Variants in RAP1A observed in about 807,000 individuals in gnomAD.
RAP1A encodes RAP1A, member of RAS oncogene family, also known as ras-related protein Rap-1A.
In RAP1A, 6 loss-of-function variants were observed where a neutral mutation model predicts 26.4. The ratio of observed to expected loss-of-function variants is 0.23; its 90% CI spans 0.12 to 0.45. RAP1A has a LOEUF of 0.45. RAP1A is among the 20% of genes least tolerant of loss of function. The pLI is 0.99. For synonymous variants in RAP1A, 73 were observed against 79.4 expected, an observed-to-expected ratio of 0.92 and a Z score of 0.43; for missense variants, 121 against 217.2, an observed-to-expected ratio of 0.56 and a Z score of 2.78.
intron 1 of RAP1A, among the ~76,000 whole-genome samples, chr1:111,631,615 C>T (rs1290561307): frequency 6.6e-6 from 1 of 152,084 alleles, no homozygotes; most frequent in African/African-American, 2.4e-5. Context: ...CAATACAAAG[C>T]AGAAAATAGG....
chr1:111,690,558 C>G lies in RAP1A; in HGVS notation c.-27-776C>G, dbSNP rs140124536. On this transcript the variant is annotated intron_variant, in intron 1 of 7. Transcript: ENST00000369709. ...TTCATTTCTTTTGCATCTCAGAAATCACAGTCCTACACTGCTTATTATCCA... is the reference window on the plus strand; with the variant it reads ...TTCATTTCTTTTGCATCTCAGAAATGACAGTCCTACACTGCTTATTATCCA... Among the ~76,000 whole-genome samples the G allele has an allele frequency of 2.6e-5, 4 of 152,346 alleles. No homozygotes were observed. The East Asian group carries it at 7.7e-4, about 29-fold the overall frequency.
At chr1:111,652,496 A>G (rs1263472419) in intron 1 of RAP1A, among the ~76,000 whole-genome samples, 1 of 151,934 alleles carries the variant, frequency 6.6e-6, no homozygotes, top group East Asian at 1.9e-4. Context: ...TTTTTTTTAA[A>G]TAAGAAAGAA....
intron 1 of RAP1A, among the ~76,000 whole-genome samples, chr1:111,593,974 C>G (rs1557860215): frequency 6.6e-6 from 1 of 152,130 alleles, no homozygotes. Flanking sequence ...CTGGTTTTCT[C>G]TTAGGTCAAA....
intron 1 of RAP1A, chr1:111,599,743 GGGGTT>G (rs1658632724): frequency 6.6e-6 from 1 of 152,224 alleles, no homozygotes; most frequent in African/African-American, 2.4e-5. Flanking sequence ...GTCAGGAAGA[GGGGTT>G]GAAGACTGAC....
intron 1 of RAP1A, chr1:111,608,025 G>T (rs1385467552): frequency 6.5e-6 from 1 of 154,060 alleles, no homozygotes; most frequent in Admixed American, 6.6e-5. Flanking sequence ...GGACGGGGCG[G>T]CTGGCCTGGC....
chr1:111,579,413 C>T (rs551153615), intron 1 of RAP1A, among the ~76,000 whole-genome samples: 1 of 152,314 alleles, frequency 6.6e-6, no homozygotes, highest in African/African-American at 2.4e-5. Context: ...TATTTTACAT[C>T]ATATCACAAG....
intron 1 of RAP1A, among the ~76,000 whole-genome samples, chr1:111,576,705 T>C (rs1473796784): frequency 6.6e-6 from 1 of 152,152 alleles, no homozygotes; most frequent in African/African-American, 2.4e-5. Flanking sequence ...TAATGTTTGG[T>C]TTCCTTATCT....
intron 1 of RAP1A, chr1:111,649,385 G>C: frequency 2.7e-6 from 1 of 373,044 alleles, no homozygotes; most frequent in South Asian, 2.4e-5. Flanking sequence ...CCTGCAGCCA[G>C]ACCCCAAGCT....
At position 111,688,749 on chromosome 1, in the gene RAP1A, A is replaced by G. The variant is rs937714363; in HGVS notation, c.-27-2585A>G. On this transcript the variant is annotated intron_variant, in intron 1 of 7. Coordinates refer to ENST00000369709, the MANE Select transcript of RAP1A (RefSeq NM_002884.4). ...TCGTTGTGGTTTTCTTTGTGTTTAT[A>G]CTCCTTCAGGAGGGGGGCTCATTGA... Among the ~76,000 whole-genome samples, 22 of 137,576 alleles carry G rather than the reference A, an allele frequency of 1.6e-4. 1 individual carries two copies. Among genetic ancestry groups the G allele is most frequent in the Middle Eastern group, 7.8e-3 (2 of 258 alleles). 90.3% of individuals were successfully genotyped at this position (137,576 alleles called of 152,430 possible).
chr1:111,617,987 G>T (rs1413778091), upstream of RAP1A, among the ~76,000 whole-genome samples: 1 of 151,428 alleles, frequency 6.6e-6, no homozygotes, highest in East Asian at 2.0e-4. Context: ...AGGTTGCAGT[G>T]AGCGGAGATC....
intron 1 of RAP1A, among the ~76,000 whole-genome samples, chr1:111,567,143 T>A (rs1035125364): frequency 6.6e-6 from 1 of 152,080 alleles, no homozygotes; most frequent in Non-Finnish European, 1.5e-5. Context: ...AAGTCCACCA[T>A]TTAAAGCAGG....
chr1:111,588,668 C>T (rs1658422628), intron 1 of RAP1A, among the ~76,000 whole-genome samples: 1 of 152,158 alleles, frequency 6.6e-6, no homozygotes, highest in Non-Finnish European at 1.5e-5. Flanking sequence ...TTACTAACTG[C>T]TGAACATCCC....
intron 1 of RAP1A, among the ~76,000 whole-genome samples, chr1:111,662,394 C>CAAAAAAAAAAAA (rs60481679): frequency 9.7e-6 from 1 of 103,428 alleles, no homozygotes; most frequent in African/African-American, 3.9e-5. Context: ...GACTCCATCT[C>CAAAAAAAAAAAA]AAAAAAAAAA....
chr1:111,557,464 C>G (rs935744818), intron 1 of RAP1A, among the ~76,000 whole-genome samples: 2 of 151,686 alleles, frequency 1.3e-5, no homozygotes, highest in Non-Finnish European at 2.9e-5. Context: ...GCAGGAGAAT[C>G]GCTGGAACCC....
At chr1:111,624,092 A>T (rs1352715215) in intron 1 of RAP1A, among the ~76,000 whole-genome samples, 3 of 152,212 alleles carry the variant, frequency 2.0e-5, no homozygotes, top group African/African-American at 7.2e-5. Flanking sequence ...CTCGTTTATA[A>T]TGTCCCTTTT....
rs148677133 is a variant in RAP1A, at chr1:111,679,123, G to A, written c.-27-12211G>A. 6.6e-5 allele frequency among the ~76,000 whole-genome samples: 10 copies of A among 152,218 alleles called. No individual in the cohort carries two copies. The South Asian group carries it at 1.0e-3, about 16-fold the overall frequency. On this transcript the variant is annotated intron_variant, in intron 1 of 7. Coordinates refer to ENST00000369709, the MANE Select transcript of RAP1A (RefSeq NM_002884.4). ...AAGATGGCCGAATAGGAACAGCTCC[G>A]GTCTGCAGCTCCCAGAGAGACCAAC...
At chr1:111,661,572 G>A (rs1291611316) in intron 1 of RAP1A, among the ~76,000 whole-genome samples, 2 of 151,996 alleles carry the variant, frequency 1.3e-5, no homozygotes, top group African/African-American at 4.8e-5. Context: ...AGGCTGAGGC[G>A]GGGGGATCAT....
chr1:111,698,910 G>C (rs771914881), intron 4 of RAP1A, among the ~76,000 whole-genome samples: 47 of 150,608 alleles, frequency 3.1e-4, no homozygotes, highest in Non-Finnish European at 6.3e-4. Context: ...TTTGTTTCCA[G>C]AGACCCTAAT....
chr1:111,542,813 C>T (rs1656887335), intron 1 of RAP1A, among the ~76,000 whole-genome samples: 1 of 152,110 alleles, frequency 6.6e-6, no homozygotes, highest in African/African-American at 2.4e-5. Context: ...TCTCCTGCCT[C>T]AACCTCTGGA....
Sources: allele counts gnomAD v4.1 joint callset (sites outside exome capture counted in the v4.1 genomes callset), GRCh38; gene constraint gnomAD v4.1.1; transcripts MANE v1.5; gene names NCBI Gene and HGNC (gene_info 2026-07-23, HGNC 2026-07-21).